The following ZNF345 variants were observed in gnomAD, a reference collection of about 807,000 sequenced individuals.
ZNF345 encodes zinc finger protein 345.
For synonymous variants in ZNF345, 166 were observed against 187.9 expected (o/e 0.88, Z 0.95); for missense variants, 527 against 589.9 (o/e 0.89, Z 1.10).
chr19:36,874,251 T>C (rs1255678247), intron 2 of ZNF345, among the ~76,000 whole-genome samples: 5 of 152,146 alleles, frequency 3.3e-5, no homozygotes, highest in African/African-American at 1.2e-4. Flanking sequence ...CCCAGCACTT[T>C]GGGAGGCCAA....
At chr19:36,863,590 C>A (rs974060146) in intron 2 of ZNF345, among the ~76,000 whole-genome samples, 1 of 152,198 alleles carries the variant, frequency 6.6e-6, no homozygotes, top group African/African-American at 2.4e-5. Context: ...CAACATTCAT[C>A]ATAATTCAGC....
In ZNF345 at chr19:36,878,231, A is replaced by C; in HGVS notation, c.1401A>C (p.Ser467=). Residue 467 remains serine, a synonymous_variant, in exon 3 of 3, where the codon TCA becomes TCC. Transcript: ENST00000420450. ...GTGGGAAGGCTTATGGGAGGGATTC[A>C]GAGTTTCAGCAACATAAGAAAAGTC... The part of the protein sequence containing the change: ...KNCGKAYGRD[S]EFQQHKKSHN... 6.2e-7 allele frequency: 1 copy of C among 1,610,036 alleles called. No homozygotes were observed. The highest frequency in any genetic ancestry group is 8.5e-7 in the Non-Finnish European group (1 of 1,178,860).
At chr19:36,872,655 C>T (rs1279172981) in intron 2 of ZNF345, 3 of 152,544 alleles carry the variant, frequency 2.0e-5, no homozygotes, top group Non-Finnish European at 2.9e-5. Context: ...GCCAAATAAA[C>T]CTCTTTTCTT....
intron 2 of ZNF345, among the ~76,000 whole-genome samples, chr19:36,853,998 A>G (rs1174569350): frequency 2.0e-5 from 3 of 152,190 alleles, no homozygotes; most frequent in African/African-American, 7.2e-5. Context: ...ACTCTTCTAC[A>G]CTTGATCTGA....
chr19:36,865,003 G>A (rs1046614411), intron 2 of ZNF345, among the ~76,000 whole-genome samples: 9 of 152,288 alleles, frequency 5.9e-5, no homozygotes, highest in African/African-American at 2.2e-4. Flanking sequence ...TTTCAGACAA[G>A]GCTACTGGGT....
intron 2 of ZNF345, among the ~76,000 whole-genome samples, chr19:36,855,384 A>G (rs1234083191): frequency 7.5e-6 from 1 of 133,800 alleles, no homozygotes; most frequent in Admixed American, 7.8e-5. Context: ...ACCTGACCTC[A>G]TGATCTGCCC....
intron 3 of ZNF345, chr19:36,891,701 T>C: frequency 6.2e-7 from 1 of 1,614,026 alleles, no homozygotes; most frequent in Non-Finnish European, 8.5e-7. Context: ...AGTTCTGAGC[T>C]CTGAATAAAG....
chr19:36,891,682 T>C (rs2146223063), intron 3 of ZNF345: 1 of 1,613,858 alleles, frequency 6.2e-7, no homozygotes, highest in Non-Finnish European at 8.5e-7. Context: ...GATTCTCTGA[T>C]GTTGAATAAG....
chr19:36,866,431 A>G (rs539119904), intron 2 of ZNF345, among the ~76,000 whole-genome samples: 21 of 152,210 alleles, frequency 1.4e-4, no homozygotes, highest in Non-Finnish European at 2.6e-4. Context: ...TGTAAAAATC[A>G]TTCTCTGCTA....
chr19:36,868,341 G>A (rs751997026), intron 2 of ZNF345, among the ~76,000 whole-genome samples: 21 of 152,028 alleles, frequency 1.4e-4, no homozygotes, highest in Non-Finnish European at 2.5e-4. Context: ...TTATCCAGTT[G>A]TCTCAATACC....
At chr19:36,856,016 TGAA>T (rs1396957903) in intron 2 of ZNF345, among the ~76,000 whole-genome samples, 1 of 152,220 alleles carries the variant, frequency 6.6e-6, no homozygotes, top group Non-Finnish European at 1.5e-5. Flanking sequence ...GTTTAACCTG[TGAA>T]GAAGAGATAA....
At chr19:36,892,810 C>A in intron 3 of ZNF345, 1 of 725,418 alleles carries the variant, frequency 1.4e-6, no homozygotes, top group Non-Finnish European at 1.9e-6. Context: ...TTTTTGCCCC[C>A]ACCCCAGATC....
At chr19:36,886,912 T>G (rs1409078167) in intron 3 of ZNF345, among the ~76,000 whole-genome samples, 1 of 146,916 alleles carries the variant, frequency 6.8e-6, no homozygotes, top group African/African-American at 2.6e-5. Flanking sequence ...GAGAATGGCA[T>G]GAACCCAAGA....
Position 36,878,238 on chromosome 19 carries a change from C to G in ZNF345, c.1408C>G (p.Gln470Glu). Reference sequence around the variant, plus strand: ...GGCTTATGGGAGGGATTCAGAGTTTCAGCAACATAAGAAAAGTCATAATGG... The same window carrying G: ...GGCTTATGGGAGGGATTCAGAGTTTGAGCAACATAAGAAAAGTCATAATGG... ...GKAYGRDSEFQQHKKSHNGKK... is the reference protein window; with the variant it reads ...GKAYGRDSEFEQHKKSHNGKK... The change falls in exon 3 of 3, where the codon CAG (glutamine) becomes GAG (glutamate). Residue 470 changes from glutamine to glutamate, a missense_variant. Physicochemically the swap from Gln to Glu is conservative, Grantham distance 29 (BLOSUM62 2). Coordinates refer to ENST00000420450, the MANE Select transcript of ZNF345 (RefSeq NM_001242472.2). 1 of 1,606,102 alleles carries G rather than the reference C, an allele frequency of 6.2e-7. No individual in the cohort carries two copies. The highest frequency in any genetic ancestry group is 8.5e-7 in the Non-Finnish European group (1 of 1,177,710).
At chr19:36,884,576 C>G (rs1161970085) in intron 3 of ZNF345, among the ~76,000 whole-genome samples, 1 of 152,122 alleles carries the variant, frequency 6.6e-6, no homozygotes, top group Non-Finnish European at 1.5e-5. Flanking sequence ...CAGTGTTTTT[C>G]TTGGGGTTTG....
intron 2 of ZNF345, among the ~76,000 whole-genome samples, chr19:36,870,631 T>C (rs188900208): frequency 6.6e-6 from 1 of 152,140 alleles, no homozygotes; most frequent in Non-Finnish European, 1.5e-5. Flanking sequence ...ATTAAAAATA[T>C]TTTTCCTCAG....
In ZNF345 at chr19:36,869,675, T is replaced by C. The variant is rs536720248; in HGVS notation, c.-46-7110T>C. ...AACCCTAGGACAAAGACCTGACAAA[T>C]TATTACACAGGGCATAAACAAGACC... On this transcript the variant is annotated intron_variant, in intron 2 of 2. Transcript: ENST00000420450. 1.7e-4 allele frequency among the ~76,000 whole-genome samples: 26 copies of C among 152,228 alleles called. No individual in the cohort carries two copies. In the East Asian group the frequency reaches 4.8e-3, roughly 28 times the overall value.
At chr19:36,861,566 A>G (rs1404914029) in intron 2 of ZNF345, among the ~76,000 whole-genome samples, 1 of 151,948 alleles carries the variant, frequency 6.6e-6, no homozygotes, top group Non-Finnish European at 1.5e-5. Context: ...ATTTTTATTT[A>G]TTTATTTATT....
intron 3 of ZNF345, chr19:36,888,397 CTACAA>C: frequency 6.6e-6 from 1 of 152,296 alleles, no homozygotes; most frequent in East Asian, 1.9e-4. Context: ...ATATCTGTCT[CTACAA>C]TATCCAGTAC....
Sources: gnomAD v4.1 joint callset for allele counts (sites outside exome capture counted in the v4.1 genomes callset) on GRCh38, gnomAD v4.1.1 for gene constraint, MANE v1.5 for transcripts, NCBI Gene and HGNC (gene_info 2026-07-23, HGNC 2026-07-21) for gene names.